NPAS1: variants seen among roughly 807,000 people sequenced by gnomAD.
NPAS1 encodes neuronal PAS domain-containing protein 1.
A neutral mutation model predicts 49.2 loss-of-function variants in NPAS1; 29 were observed. That is an observed-to-expected ratio of 0.59 (90% CI 0.44 to 0.80). The LOEUF is 0.80. Among genes scored for constraint, NPAS1 ranks in the 30% least tolerant of loss-of-function variants. The pLI is 0.00. For missense variants in NPAS1, 825 were observed against 835.5 expected (o/e 0.99, Z 0.15); for synonymous variants, 408 against 380.4 (o/e 1.07, Z -0.84).
chr19:47,036,062 C>A lies in NPAS1; in HGVS notation c.621C>A (p.Pro207=). The A allele has an allele frequency of 6.3e-7, 1 of 1,598,990 alleles. No individual in the cohort carries two copies. The highest frequency in any genetic ancestry group is 8.5e-7 in the Non-Finnish European group (1 of 1,172,948). ...QLGLRTPTPG[P]PTPPSVSSSS... The stretch of plus-strand genomic sequence containing the variant: ...GGCTGCGGACGCCGACGCCCGGCCC[C>A]CCAACCCCGCCCTCCGTCTCCTCTT... Residue 207 remains proline (P), a synonymous_variant, in exon 6 of 12, where the codon CCC becomes CCA. Coordinates refer to ENST00000602212, the MANE Select transcript of NPAS1 (RefSeq NM_002517.4).
At chr19:47,041,795 T>TG (rs1312488666) in intron 10 of NPAS1, among the ~76,000 whole-genome samples, 1 of 151,618 alleles carries the variant, frequency 6.6e-6, no homozygotes, top group East Asian at 1.9e-4. Flanking sequence ...GGCAACCAAG[T>TG]GAGGTCCCAT....
intron 3 of NPAS1, 44 bp from the exon 4 acceptor site, chr19:47,032,234 A>G: frequency 6.3e-7 from 1 of 1,577,370 alleles, no homozygotes; most frequent in South Asian, 1.1e-5. Flanking sequence ...TGCCCTGGGC[A>G]GGGTCAGCCA....
chr19:47,020,650 C>G (rs574371814), intron 1 of NPAS1, among the ~76,000 whole-genome samples: 1 of 151,940 alleles, frequency 6.6e-6, no homozygotes, highest in Non-Finnish European at 1.5e-5. Context: ...GCCCGGGAGG[C>G]GCCCGCCCCC....
At chr19:47,042,505 G>C (rs1225941139) in intron 10 of NPAS1, among the ~76,000 whole-genome samples, 2 of 152,204 alleles carry the variant, frequency 1.3e-5, no homozygotes, top group Non-Finnish European at 2.9e-5. Context: ...GCTCCTGAGA[G>C]GAACAGCAGG....
At chr19:47,037,809 T>G (rs1863320798) in intron 6 of NPAS1, among the ~76,000 whole-genome samples, 1 of 152,096 alleles carries the variant, frequency 6.6e-6, no homozygotes. Flanking sequence ...AGGCACAGGG[T>G]CATCTGTGTG....
chr19:47,023,873 A>G (rs1260319754), intron 3 of NPAS1, among the ~76,000 whole-genome samples: 1 of 152,134 alleles, frequency 6.6e-6, no homozygotes, highest in Non-Finnish European at 1.5e-5. Flanking sequence ...TTGGGAGGCC[A>G]AGGCGGGCAG....
At chr19:47,033,851 CTG>C (rs2056925605) in intron 5 of NPAS1, among the ~76,000 whole-genome samples, 3 of 148,408 alleles carry the variant, frequency 2.0e-5, no homozygotes, top group South Asian at 2.2e-4. Flanking sequence ...TGGTGGCACA[CTG>C]TTGTCCCAGC....
At chr19:47,038,964 T>C in intron 6 of NPAS1, 72 bp from the exon 7 acceptor site, 1 of 1,325,424 alleles carries the variant, frequency 7.5e-7, no homozygotes, top group Non-Finnish European at 1.1e-6. Flanking sequence ...TCCGGCTGGC[T>C]CTGCAAGGGT....
intron 5 of NPAS1, among the ~76,000 whole-genome samples, chr19:47,033,975 TAAAAAAAAAAAAAAAAAAAAAA>T (rs532811476): frequency 2.9e-4 from 29 of 100,850 alleles, no homozygotes; most frequent in East Asian, 2.3e-3. Context: ...GGCTATGCCT[TAAAAAAAAAAAAAAAAAAAAAA>T]AAAAAAAAAA....
In NPAS1 at chr19:47,021,636, G is replaced by A; in HGVS notation, c.147G>A (p.Lys49=). 1.3e-6 allele frequency: 2 copies of A among 1,545,064 alleles called. No individual in the cohort carries two copies. Among genetic ancestry groups the A allele is most frequent in the Non-Finnish European group, 1.7e-6 (2 of 1,146,642 alleles). ...GPCLQAQRKE[K]SRNAARSRRG... ...GCCTGCAGGCGCAGCGCAAGGAGAA[G>A]TCCCGGAACGCGGCGCGCTCGCGGC... Residue 49 remains lysine (K), a synonymous_variant, in exon 3 of 12, where the codon AAG becomes AAA. Transcript: ENST00000602212. This position sits in a 1 kb window ranked among gnomAD's most constrained non-coding sequence, Gnocchi z 5.7.
intron 6 of NPAS1, among the ~76,000 whole-genome samples, chr19:47,038,449 G>A (rs1015922335): frequency 4.2e-5 from 5 of 120,274 alleles, no homozygotes; most frequent in African/African-American, 1.0e-4. Flanking sequence ...CTGGGGAGAC[G>A]GAGGTCGCAG....
intron 6 of NPAS1, among the ~76,000 whole-genome samples, chr19:47,037,209 G>A (rs144992062): frequency 0.012 from 1,750 of 151,524 alleles, 10 homozygotes; most frequent in Non-Finnish European, 0.018. Flanking sequence ...AAAATTAGCC[G>A]GGCGTGGTGC....
At chr19:47,033,975 TAAAA>T (rs532811476) in intron 5 of NPAS1, among the ~76,000 whole-genome samples, 17 of 100,768 alleles carry the variant, frequency 1.7e-4, no homozygotes, top group African/African-American at 4.7e-4. Context: ...GGCTATGCCT[TAAAA>T]AAAAAAAAAA....
intron 4 of NPAS1, 52 bp from the exon 5 acceptor site, chr19:47,032,591 C>G: frequency 6.6e-7 from 1 of 1,526,622 alleles, no homozygotes; most frequent in Non-Finnish European, 9.1e-7. Flanking sequence ...GGCGGCTGGA[C>G]AGAGGGACAC....
Position 47,039,037 on chromosome 19 carries a change from G to A in NPAS1, c.690G>A (p.Glu230=), listed in dbSNP as rs371892220. Residue 230 remains glutamate (E), a splice_region_variant and synonymous_variant, in exon 7 of 12, where the codon GAG becomes GAA. Coordinates refer to ENST00000602212, the MANE Select transcript of NPAS1 (RefSeq NM_002517.4). Reference sequence around the variant, plus strand: ...ACCTTCCTTCACTCTCTGTCCCAGAGGCCAGCCTCACCAAGGTGCCCCCCT... The same window carrying A: ...ACCTTCCTTCACTCTCTGTCCCAGAAGCCAGCCTCACCAAGGTGCCCCCCT... ...SSSLADTPEI[E]ASLTKVPPSS... 1.3e-5 allele frequency: 21 copies of A among 1,613,922 alleles called. No individual in the cohort carries two copies. Among genetic ancestry groups the A allele is most frequent in the Non-Finnish European group, 1.8e-5 (21 of 1,179,944 alleles).
intron 3 of NPAS1, among the ~76,000 whole-genome samples, chr19:47,025,922 A>T (rs1365925002): frequency 6.7e-6 from 1 of 149,410 alleles, no homozygotes; most frequent in Non-Finnish European, 1.5e-5. Context: ...TCGCTGAGGA[A>T]GTAACGTTTT....
In NPAS1 at chr19:47,040,459, G is replaced by C; in HGVS notation, c.978G>C (p.Met326Ile). 6.3e-6 allele frequency: 10 copies of C among 1,599,152 alleles called. No homozygotes were observed. The highest frequency in any genetic ancestry group is 8.5e-6 in the Non-Finnish European group (10 of 1,173,292). The change falls in exon 9 of 12, where the codon ATG (methionine) becomes ATC (isoleucine). Residue 326 changes from methionine to isoleucine, a missense_variant. Physicochemically the swap from Met to Ile is conservative, Grantham distance 10. Transcript: ENST00000602212. ...LACESRVSDH[M>I]DLGPSELVGR... ...CACCCCCCAGAGTCAGCGACCACAT[G>C]GACCTGGGGCCCTCAGAGCTGGTGG...
At chr19:47,040,320 C>T (rs2057004356) in intron 8 of NPAS1, 124 bp from the exon 9 acceptor site, 2 of 641,268 alleles carry the variant, frequency 3.1e-6, no homozygotes, top group Admixed American at 2.7e-5. Flanking sequence ...ACCGCGCCTG[C>T]CAACACTGTT....
At chr19:47,027,845 T>C (rs2056884075) in intron 3 of NPAS1, among the ~76,000 whole-genome samples, 1 of 152,048 alleles carries the variant, frequency 6.6e-6, no homozygotes, top group South Asian at 2.1e-4. Flanking sequence ...GTTCTGGACA[T>C]GGGAGGGCGG....
Sources: allele counts gnomAD v4.1 joint callset (sites outside exome capture counted in the v4.1 genomes callset), GRCh38; gene constraint gnomAD v4.1.1; non-coding constraint Gnocchi (gnomAD v3.1); transcripts MANE v1.5; gene names NCBI Gene and HGNC (gene_info 2026-07-23, HGNC 2026-07-21).